NELFCD: variants seen among roughly 807,000 people sequenced by gnomAD.
The protein encoded by NELFCD is negative elongation factor C/D.
Under a neutral mutation model 72.9 loss-of-function variants are expected in NELFCD, and 48 were observed. The observed-to-expected ratio is 0.66, with a 90% confidence interval of 0.52 to 0.84. NELFCD has a LOEUF of 0.84. NELFCD is among the 40% of genes least tolerant of loss of function. The probability of loss-of-function intolerance (pLI) is 0.00; values close to 1 mark genes in which losing one functional copy is unlikely to be tolerated. For synonymous variants in NELFCD, 297 were observed against 280.6 expected, an observed-to-expected ratio of 1.06 and a Z score of -0.59; for missense variants, 538 against 723.8, an observed-to-expected ratio of 0.74 and a Z score of 2.94.
chr20:58,991,101 A>G (rs1477134271), intron 8 of NELFCD, 26 bp downstream of exon 8: 15 of 1,608,174 alleles, frequency 9.3e-6, no homozygotes, highest in African/African-American at 2.7e-5. Context: ...AGAATCCCCA[A>G]TGTCAGCTGG....
Position 58,993,959 on chromosome 20 carries a change from C to T in NELFCD, c.1582-151C>T. ...ATGACACACTTTACCTCCATTACCACCCTGGGCATCTGAATGTTGGAGATG... is the reference window on the plus strand; with the variant it reads ...ATGACACACTTTACCTCCATTACCATCCTGGGCATCTGAATGTTGGAGATG... On this transcript the variant is annotated intron_variant, in intron 13 of 14. Transcript: ENST00000652272. The surrounding 1 kb of genome is among the most constrained non-coding windows in gnomAD (Gnocchi z 5.0). 1.8e-6 allele frequency: 2 copies of T among 1,123,352 alleles called. No homozygotes were observed. The highest frequency in any genetic ancestry group is 2.6e-6 in the Non-Finnish European group (2 of 773,904). The allele number at this position is 1,123,352 out of a possible 1,614,324, so 69.6% of individuals were successfully genotyped here.
Position 58,991,962 on chromosome 20 carries a change from G to C in NELFCD, c.1171G>C (p.Glu391Gln). 6.2e-7 allele frequency: 1 copy of C among 1,614,188 alleles called. No homozygotes were observed. The highest frequency in any genetic ancestry group is 8.5e-7 in the Non-Finnish European group (1 of 1,180,040). The change falls in exon 10 of 15, where the codon GAG becomes CAG. Residue 391 changes from glutamate to glutamine, a missense_variant. Physicochemically the swap from Glu to Gln is conservative, Grantham distance 29 (BLOSUM62 2). Coordinates refer to ENST00000652272, the MANE Select transcript of NELFCD (RefSeq NM_198976.4). ...VETVHNLCCN[E>Q]NKGASELVAE... is the part of the protein sequence containing the mutation. Reference sequence around the variant, plus strand: ...AACCGTTCACAATTTGTGTTGCAACGAGAACAAAGGGGCCTCTGAACTAGT... The same window carrying C: ...AACCGTTCACAATTTGTGTTGCAACCAGAACAAAGGGGCCTCTGAACTAGT...
chr20:58,983,129 G>T (rs1367498970), intron 1 of NELFCD, among the ~76,000 whole-genome samples: 1 of 148,472 alleles, frequency 6.7e-6, no homozygotes, highest in Non-Finnish European at 1.5e-5. Context: ...ATCACCTTGA[G>T]CCTTTTTTTC....
intron 1 of NELFCD, among the ~76,000 whole-genome samples, chr20:58,983,672 C>T (rs757675402): frequency 1.7e-4 from 26 of 152,088 alleles, no homozygotes; most frequent in African/African-American, 4.1e-4. Context: ...GTAATCTGCC[C>T]GCCTCCGCCT....
chr20:58,987,337 T>C, intron 3 of NELFCD: 1 of 281,944 alleles, frequency 3.5e-6, no homozygotes, highest in Non-Finnish European at 6.7e-6. Flanking sequence ...GACACACTGC[T>C]GTCCCGGTGA....
chr20:58,983,627 T>C (rs1265360264), intron 1 of NELFCD, among the ~76,000 whole-genome samples: 4 of 151,856 alleles, frequency 2.6e-5, no homozygotes, highest in Non-Finnish European at 4.4e-5. Flanking sequence ...GGTTTCACCA[T>C]GTTGGCCAGG....
At position 58,986,264 on chromosome 20, in the gene NELFCD, T is replaced by TG; in HGVS notation, c.176+56_176+57insG. On this transcript the variant is annotated intron_variant, in intron 2 of 14. Transcript: ENST00000652272. The surrounding 1 kb of genome is among the most constrained non-coding windows in gnomAD (Gnocchi z 4.4). ...AGGCTGGGGGTAATTTAGAGAAAGTTTTGTAATACACCCAGAAGGTGCTAT... is the reference window on the plus strand; with the variant it reads ...AGGCTGGGGGTAATTTAGAGAAAGTTGTTGTAATACACCCAGAAGGTGCTAT... The TG allele has an allele frequency of 8.8e-7, 1 of 1,133,522 alleles. No individual in the cohort carries two copies. The allele number at this position is 1,133,522 out of a possible 1,614,324, so 70.2% of individuals were successfully genotyped here. A position where few individuals can be genotyped will look rare whatever the true frequency, so the allele number is the denominator to read the frequency against.
chr20:58,993,326 G>A lies in NELFCD; in HGVS notation c.1345-123G>A. ...GTGTTACTGGAAGCTGATGGCCCTG[G>A]CTTAGGTGTCAGGACCTTCTTCCAC... On this transcript the variant is annotated intron_variant, in intron 11 of 14. Transcript: ENST00000652272. The surrounding 1 kb of genome is among the most constrained non-coding windows in gnomAD (Gnocchi z 5.0). 1 of 966,104 alleles carries A rather than the reference G, an allele frequency of 1.0e-6. No individual in the cohort carries two copies. The highest frequency in any genetic ancestry group is 1.5e-6 in the Non-Finnish European group (1 of 645,290). 59.8% of individuals were successfully genotyped at this position (966,104 alleles called of 1,614,324 possible).
At chr20:58,992,046 A>G in intron 10 of NELFCD, 26 bp downstream of exon 10, 2 of 1,588,454 alleles carry the variant, frequency 1.3e-6, no homozygotes, top group Non-Finnish European at 8.6e-7. Flanking sequence ...CTCAGTTCTT[A>G]AATCAGTCCT....
Position 58,986,801 on chromosome 20 carries a change from C to G in NELFCD, c.224C>G (p.Ser75Cys). Reference protein sequence around the residue: ...GSPENVIQLLSENYTAVAQTV... With the variant: ...GSPENVIQLLCENYTAVAQTV... ...CCAGAGAATGTTATCCAGCTCTTAT[C>G]TGAAAACTACACCGCTGTGGCCCAG... The change falls in exon 3 of 15, where the codon TCT (serine) becomes TGT (cysteine). Residue 75 changes from serine to cysteine, a missense_variant. Transcript: ENST00000652272. The surrounding 1 kb of genome is among the most constrained non-coding windows in gnomAD (Gnocchi z 4.4). 1.2e-6 allele frequency: 2 copies of G among 1,614,114 alleles called. No individual in the cohort carries two copies. Among genetic ancestry groups the G allele is most frequent in the Non-Finnish European group, 1.7e-6 (2 of 1,180,012 alleles).
chr20:58,986,976 A>G lies in NELFCD; in HGVS notation c.286+113A>G, dbSNP rs904987886. ...CTTCTTTGATTTCCTGGTTTCTGAG[A>G]CTTGTGTAAGAAAGAGCTGAACTTC... is the stretch of plus-strand genomic sequence containing the variant. On this transcript the variant is annotated intron_variant, in intron 3 of 14. Coordinates refer to ENST00000652272, the MANE Select transcript of NELFCD (RefSeq NM_198976.4). This position sits in a 1 kb window ranked among gnomAD's most constrained non-coding sequence, Gnocchi z 4.4. 1.6e-5 allele frequency: 10 copies of G among 626,794 alleles called. No homozygotes were observed. Among genetic ancestry groups the G allele is most frequent in the African/African-American group, 1.5e-4 (8 of 51,934 alleles). 38.8% of individuals were successfully genotyped at this position (626,794 alleles called of 1,614,324 possible). A position where few individuals can be genotyped will look rare whatever the true frequency, so the allele number is the denominator to read the frequency against.
intron 9 of NELFCD, 22 bp from the exon 10 acceptor site, chr20:58,991,859 C>A: frequency 6.2e-7 from 1 of 1,611,834 alleles, no homozygotes; most frequent in Non-Finnish European, 8.5e-7. Flanking sequence ...TCAGGCTCAC[C>A]AGCTTGTGTG....
chr20:58,981,439 C>A, intron 1 of NELFCD, 70 bp downstream of exon 1: 1 of 651,628 alleles, frequency 1.5e-6, no homozygotes, highest in South Asian at 6.8e-5. Flanking sequence ...CGGCCCCACT[C>A]CCGGAGAGGC....
chr20:58,992,103 A>G, intron 10 of NELFCD, 83 bp downstream of exon 10: 4 of 1,406,448 alleles, frequency 2.8e-6, no homozygotes, highest in Non-Finnish European at 3.9e-6. Flanking sequence ...CTCAAATAAC[A>G]AAAGCTTCAG....
At chr20:58,987,434 G>A (rs1015269011) in intron 3 of NELFCD, 39 of 420,552 alleles carry the variant, frequency 9.3e-5, no homozygotes, top group Non-Finnish European at 1.5e-4. Flanking sequence ...CTGTTGCTGG[G>A]GCCATTTGTC....
In NELFCD at chr20:58,987,804, C is replaced by G. The variant is rs202039877; in HGVS notation, c.383C>G (p.Thr128Ser). Residue 128 changes from threonine to serine, a missense_variant, in exon 4 of 15, where the codon ACT (threonine) becomes AGT (serine). Physicochemically the swap from Thr to Ser is moderately conservative, Grantham distance 58. Coordinates refer to ENST00000652272, the MANE Select transcript of NELFCD (RefSeq NM_198976.4). ...CCCCGCAAAGCAGATTCTATTTTTA[C>G]TGAAGAAGGAGAGGTGAGAAATTAT... ...FDPRKADSIFTEEGETPAWLE... is the reference protein window; with the variant it reads ...FDPRKADSIFSEEGETPAWLE... 437 of 1,613,602 alleles carry G rather than the reference C, an allele frequency of 2.7e-4. No individual in the cohort carries two copies. The highest frequency in any genetic ancestry group is 3.5e-4 in the Non-Finnish European group (414 of 1,179,608).
rs751195063 is a variant in NELFCD, at chr20:58,989,624, A to G, written c.641A>G (p.Asn214Ser). The G allele has an allele frequency of 1.2e-6, 2 of 1,614,176 alleles. No homozygotes were observed. Among genetic ancestry groups the G allele is most frequent in the Non-Finnish European group, 8.5e-7 (1 of 1,180,032 alleles). Residue 214 changes from asparagine to serine, a missense_variant, in exon 6 of 15, where the codon AAT (asparagine) becomes AGT (serine). This residue lies in a region of NELFCD where 355 missense variants were observed against 534.5 expected (regional missense o/e 0.66). Coordinates refer to ENST00000652272, the MANE Select transcript of NELFCD (RefSeq NM_198976.4). ...GGAGGAGAAGAAAACCTTGAAAAAA[A>G]TCTCCCTGAGTTTGCCGTAAGTTCT... ...LDGGEENLEK[N>S]LPEFAKMVCH...
chr20:58,989,029 G>A lies in NELFCD; in HGVS notation c.504+8G>A. On this transcript the variant is annotated splice_region_variant and intron_variant, in intron 5 of 14. Coordinates refer to ENST00000652272, the MANE Select transcript of NELFCD (RefSeq NM_198976.4). ...CTGAACTTCACCGTTAAGGTAGGAA[G>A]AGTTCTAGAGTTAAGGAGAAAAGTG... The A allele has an allele frequency of 1.3e-6, 2 of 1,576,456 alleles. No homozygotes were observed. The highest frequency in any genetic ancestry group is 1.7e-6 in the Non-Finnish European group (2 of 1,145,640).
At chr20:58,981,460 G>A (rs1601207880) in intron 1 of NELFCD, 91 bp downstream of exon 1, 1 of 470,190 alleles carries the variant, frequency 2.1e-6, no homozygotes, top group Non-Finnish European at 2.8e-6. Flanking sequence ...CGCGCGGCGC[G>A]AGGCTGCGGG....
Sources: gnomAD v4.1 joint callset for allele counts (sites outside exome capture counted in the v4.1 genomes callset) on GRCh38, gnomAD v4.1.1 for gene constraint, gnomAD v4.1.1 regional missense constraint, Gnocchi (gnomAD v3.1) non-coding constraint, MANE v1.5 for transcripts, NCBI Gene and HGNC (gene_info 2026-07-23, HGNC 2026-07-21) for gene names.